The following LILRB5 variants were observed in gnomAD, a reference collection of about 807,000 sequenced individuals.
LILRB5 encodes leukocyte immunoglobulin-like receptor subfamily B member 5.
A neutral mutation model predicts 68.4 loss-of-function variants in LILRB5; 61 were observed. The ratio of observed to expected loss-of-function variants is 0.89; its 90% CI spans 0.73 to 1.10. The LOEUF is 1.10. Ranked by LOEUF, LILRB5 falls within the 50% of genes least tolerant of loss-of-function variation. The probability of loss-of-function intolerance (pLI) is 0.00; values close to 1 mark genes in which losing one functional copy is unlikely to be tolerated. For synonymous variants in LILRB5, 356 were observed against 315.8 expected (o/e 1.13, Z -1.35); for missense variants, 771 against 751.6 (o/e 1.03, Z -0.30).
rs12977057 is a variant in LILRB5 at position 54,252,048 on chromosome 19, C to T, written c.1629+6G>A. ...TTTGGTGCCCGGGACAGGGGCGGGG[C>T]CTCACCGGAGCATCCATCTCCACCC... On this transcript the variant is annotated splice_donor_region_variant and intron_variant, in intron 12 of 12. Coordinates refer to ENST00000449561, the MANE Select transcript of LILRB5 (RefSeq NM_001081442.3). The T allele has an allele frequency of 0.22, 348,999 of 1,608,942 alleles. 41,426 individuals are homozygous for T. Among genetic ancestry groups the T allele is most frequent in the Middle Eastern group, 0.31 (1,762 of 5,696 alleles).
At position 54,250,505 on chromosome 19, in the gene LILRB5, C is replaced by A. The variant is rs1429621453; in HGVS notation, c.*281G>T. 2.2e-6 allele frequency: 1 copy of A among 451,106 alleles called. No homozygotes were observed. 27.9% of individuals were successfully genotyped at this position (451,106 alleles called of 1,614,324 possible). The stretch of plus-strand genomic sequence containing the variant: ...TTCATCATTTAATGTGTAATATTTA[C>A]ATTATCATTCCAAATTTATACCATG... On this transcript the variant is annotated 3_prime_UTR_variant, in exon 13 of 13. Coordinates refer to ENST00000449561, the MANE Select transcript of LILRB5 (RefSeq NM_001081442.3).
At chr19:54,253,085 C>T (rs1005212437) in intron 8 of LILRB5, 98 bp from the exon 9 acceptor site, 2 of 606,668 alleles carry the variant, frequency 3.3e-6, no homozygotes, top group Non-Finnish European at 5.2e-6. Context: ...GAGCTCCAAC[C>T]CTCACAGCAG....
rs764888333 is a variant in LILRB5, at chr19:54,256,745, A to G, written c.99T>C (p.Ala33=). ...CCCGAGCTATCACAGAGGCTGGCTC[A>G]GCCCAGAGGGTGGGTTTGGGGAGGG... ...AGTLPKPTLW[A]EPASVIARGK... is the part of the protein sequence containing the mutation. Residue 33 remains alanine (A), a synonymous_variant, in exon 3 of 13, where the codon GCT becomes GCC. Coordinates refer to ENST00000449561, the MANE Select transcript of LILRB5 (RefSeq NM_001081442.3). The G allele has an allele frequency of 1.4e-5, 23 of 1,613,940 alleles. No homozygotes were observed. In the Admixed American group the frequency reaches 3.8e-4, roughly 27 times the overall value.
In LILRB5 at chr19:54,256,980, G is replaced by T; in HGVS notation, c.51C>A (p.Pro17=). ...ACTCACCTGCCTGCACGCAGGTCCT[G>T]GGGCCCACACTCAGCCCTGGAAGAG... ...VLICLGLSVG[P]RTCVQAGTLP... The change falls in exon 2 of 13, where the codon CCC becomes CCA. Residue 17 remains proline (P), a synonymous_variant. Transcript: ENST00000449561. 2 of 1,614,222 alleles carry T rather than the reference G, an allele frequency of 1.2e-6. No individual in the cohort carries two copies. Among genetic ancestry groups the T allele is most frequent in the Admixed American group, 1.7e-5 (1 of 60,024 alleles).
chr19:54,257,071 T>G (rs1287228020), intron 1 of LILRB5, 75 bp from the exon 2 acceptor site: 6 of 1,613,734 alleles, frequency 3.7e-6, no homozygotes, highest in Non-Finnish European at 5.1e-6. Flanking sequence ...GAGCCTCTGA[T>G]AGACCAGATT....
rs201218254 is a variant in LILRB5, at chr19:54,254,891, G to C, written c.1099C>G (p.Leu367Val). The change falls in exon 6 of 13, where the codon CTA becomes GTA. Residue 367 changes from leucine to valine, a missense_variant. Leu to Val is a conservative substitution (Grantham distance 32, BLOSUM62 1). Transcript: ENST00000449561. The stretch of plus-strand genomic sequence containing the variant: ...CTATAAGACTGGTACTTTGACTTTA[G>C]ACACAGCGGGGGATGGGCTGCCCCC... ...KEGAAHPPLCLKSKYQSYRHQ... is the reference protein window; with the variant it reads ...KEGAAHPPLCVKSKYQSYRHQ... 6.2e-7 allele frequency: 1 copy of C among 1,614,134 alleles called. No individual in the cohort carries two copies. The highest frequency in any genetic ancestry group is 1.1e-5 in the South Asian group (1 of 91,088).
At chr19:54,254,568 G>T in intron 6 of LILRB5, 153 bp from the exon 7 acceptor site, 1 of 1,245,708 alleles carries the variant, frequency 8.0e-7, no homozygotes, top group Non-Finnish European at 1.1e-6. Flanking sequence ...GCATGCCTGG[G>T]GAGCCCCCGT....
chr19:54,254,647 C>T (rs561852057), intron 6 of LILRB5, 88 bp downstream of exon 6: 285 of 1,535,358 alleles, frequency 1.9e-4, no homozygotes, highest in African/African-American at 3.1e-4. Flanking sequence ...CCCCCCGCAC[C>T]GCGACTCCAT....
Position 54,250,455 on chromosome 19 carries a change from A to G in LILRB5, c.*331T>C. ...CGTAGGTTTTATTCTTTTCTAATTC[A>G]TTCGCTCATTTGTAGTTTTCCGATT... is the stretch of plus-strand genomic sequence containing the variant. On this transcript the variant is annotated 3_prime_UTR_variant, in exon 13 of 13. Coordinates refer to ENST00000449561, the MANE Select transcript of LILRB5 (RefSeq NM_001081442.3). The G allele has an allele frequency of 6.8e-6, 2 of 296,228 alleles. No individual in the cohort carries two copies. Among genetic ancestry groups the G allele is most frequent in the Non-Finnish European group, 1.2e-5 (2 of 160,504 alleles). 18.3% of individuals were successfully genotyped at this position (296,228 alleles called of 1,614,324 possible).
At chr19:54,251,272 A>G in intron 12 of LILRB5, 1 of 948,252 alleles carries the variant, frequency 1.1e-6, no homozygotes, top group Non-Finnish European at 1.6e-6. Context: ...CCCTTTCCTG[A>G]TGGAATCTCA....
At chr19:54,256,430 G>C (rs1450593635) in intron 3 of LILRB5, 59 bp downstream of exon 3, 1 of 1,600,432 alleles carries the variant, frequency 6.2e-7, no homozygotes, top group Non-Finnish European at 8.5e-7. Context: ...ACGTCCCTAA[G>C]AGCCGACCCT....
In LILRB5 at chr19:54,250,916, G is replaced by A. The variant is rs760053636; in HGVS notation, c.1646C>T (p.Ala549Val). The A allele has an allele frequency of 8.1e-6, 13 of 1,611,212 alleles. No homozygotes were observed. Among genetic ancestry groups the A allele is most frequent in the African/African-American group, 4.1e-5 (3 of 73,960 alleles). ...CTGGGCGTAGGTCACATCCTGGGGG[G>A]CTTCAGATGCAGCAGCCTGCAGCGG... Reference protein sequence around the residue: ...EMDAPAAASEAPQDVTYAQLH... With the variant: ...EMDAPAAASEVPQDVTYAQLH... The change falls in exon 13 of 13, where the codon GCC becomes GTC. Residue 549 changes from alanine (A) to valine (V), a missense_variant. Physicochemically the swap from Ala to Val is moderately conservative, Grantham distance 64. Coordinates refer to ENST00000449561, the MANE Select transcript of LILRB5 (RefSeq NM_001081442.3).
chr19:54,255,713 T>G, intron 4 of LILRB5, 131 bp from the exon 5 acceptor site: 1 of 1,132,402 alleles, frequency 8.8e-7, no homozygotes, highest in Non-Finnish European at 1.2e-6. Flanking sequence ...CGGGGCCTCC[T>G]TCTCACCTGG....
Position 54,254,400 on chromosome 19 carries a change from G to A in LILRB5, c.1271C>T (p.Pro424Leu), listed in dbSNP as rs1412814668. 6.3e-7 allele frequency: 1 copy of A among 1,586,038 alleles called. No homozygotes were observed. The highest frequency in any genetic ancestry group is 8.6e-7 in the Non-Finnish European group (1 of 1,166,208). ...ELVVSGPSGD[P>L]SLSPTGSTPT... ...GGTGGAGCCTGTAGGTGAGAGGCTG[G>A]GATCCCCAGAGGGTCCTGGGAATAA... Residue 424 changes from proline to leucine, a missense_variant, in exon 7 of 13, where the codon CCC becomes CTC. Transcript: ENST00000449561.
chr19:54,256,258 A>G lies in LILRB5; in HGVS notation c.440T>C (p.Leu147Pro). 1 of 1,613,972 alleles carries G rather than the reference A, an allele frequency of 6.2e-7. No homozygotes were observed. Among genetic ancestry groups the G allele is most frequent in the Non-Finnish European group, 8.5e-7 (1 of 1,179,986 alleles). The change falls in exon 4 of 13, where the codon CTG becomes CCG. Residue 147 changes from leucine (L) to proline (P), a missense_variant. Transcript: ENST00000449561. The stretch of plus-strand genomic sequence containing the variant: ...AAGAACAAACGTGAGAAGTCCGTCC[A>G]GTGTATCACACTGGAGGGTCACATT... Reference protein sequence around the residue: ...GGNVTLQCDTLDGLLTFVLVE... With the variant: ...GGNVTLQCDTPDGLLTFVLVE...
intron 6 of LILRB5, 132 bp from the exon 7 acceptor site, chr19:54,254,547 G>A: frequency 3.9e-6 from 5 of 1,287,884 alleles, no homozygotes; most frequent in Non-Finnish European, 5.4e-6. Context: ...AGGAGATGGG[G>A]CCAAGTGTGG....
Position 54,249,427 on chromosome 19 carries a change from G to T in LILRB5, c.*1359C>A, listed in dbSNP as rs773530620. The T allele has an allele frequency of 6.6e-6, 1 of 151,884 alleles. No individual in the cohort carries two copies. Among genetic ancestry groups the T allele is most frequent in the Non-Finnish European group, 1.5e-5 (1 of 67,988 alleles). The allele number at this position is 151,884 out of a possible 1,614,324, so 9.4% of individuals were successfully genotyped here. On this transcript the variant is annotated 3_prime_UTR_variant, in exon 13 of 13. Coordinates refer to ENST00000449561, the MANE Select transcript of LILRB5 (RefSeq NM_001081442.3). ...TGAATATTATATAAAATAATTAGAA[G>T]ACATAGAAAAATCAGATTTAATGAA... is the stretch of plus-strand genomic sequence containing the variant.
At chr19:54,252,724 T>C in intron 9 of LILRB5, 147 bp downstream of exon 9, 2 of 1,007,484 alleles carry the variant, frequency 2.0e-6, no homozygotes, top group Non-Finnish European at 3.0e-6. Context: ...TGCTCACATT[T>C]ATTCTCTTCT....
chr19:54,250,712 TG>T lies in LILRB5; in HGVS notation c.*73del. ...CTGGCTGGGGTTCATTGGTGTCCAC[TG>T]GGGGCAGCTCCTGTGCCTTCTGGAG... is the stretch of plus-strand genomic sequence containing the variant. On this transcript the variant is annotated 3_prime_UTR_variant, in exon 13 of 13. Coordinates refer to ENST00000449561, the MANE Select transcript of LILRB5 (RefSeq NM_001081442.3). 1 of 1,593,388 alleles carries T rather than the reference TG, an allele frequency of 6.3e-7. No individual in the cohort carries two copies. Among genetic ancestry groups the T allele is most frequent in the Non-Finnish European group, 8.6e-7 (1 of 1,166,068 alleles).
Sources: gnomAD v4.1 joint callset for allele counts on GRCh38, gnomAD v4.1.1 for gene constraint, MANE v1.5 for transcripts, NCBI Gene and HGNC (gene_info 2026-07-23, HGNC 2026-07-21) for gene names.